Variants in UGT1A1 observed in about 807,000 individuals in gnomAD.
The protein encoded by UGT1A1 is UDP glucuronosyltransferase family 1 member A1, also known as UDP-glucuronosyltransferase 1A1.
UGT1A1 carries 33 observed loss-of-function variants against 40.6 expected under a neutral mutation model. The ratio of observed to expected loss-of-function variants is 0.81; its 90% CI spans 0.62 to 1.09. The LOEUF is 1.09. Among genes scored for constraint, UGT1A1 ranks in the 50% least tolerant of loss-of-function variants. UGT1A1 has a pLI of 0.00. For synonymous variants in UGT1A1, 249 were observed against 265.0 expected (o/e 0.94, Z 0.59); for missense variants, 694 against 671.2 (o/e 1.03, Z -0.38).
chr2:233,772,721 A>G lies in UGT1A1; in HGVS notation c.*162A>G, dbSNP rs1307369412. On this transcript the variant is annotated 3_prime_UTR_variant, in exon 5 of 5. Coordinates refer to ENST00000305208, the MANE Select transcript of UGT1A1 (RefSeq NM_000463.3). ...TAAAAAATTCTCTTAAATAAAAATA[A>G]TAGACTCGCTAGTCAGTAAAGATAT... 4.1e-6 allele frequency: 6 copies of G among 1,458,094 alleles called. No individual in the cohort carries two copies. Among genetic ancestry groups the G allele is most frequent in the Non-Finnish European group, 5.4e-6 (6 of 1,108,844 alleles). The allele number at this position is 1,458,094 out of a possible 1,614,324, so 90.3% of individuals were successfully genotyped here.
rs144217005 is a variant in UGT1A1 at position 233,760,613 on chromosome 2, T to C, written c.326T>C (p.Val109Ala). The C allele has an allele frequency of 1.5e-4, 247 of 1,614,256 alleles. No individual in the cohort carries two copies. In the African/African-American group the frequency reaches 3.0e-3, roughly 20 times the overall value. Residue 109 changes from valine to alanine, a missense_variant, in exon 1 of 5, where the codon GTG becomes GCG. Transcript: ENST00000305208. ...VFENDSFLQR[V>A]IKTYKKIKKD... The stretch of plus-strand genomic sequence containing the variant: ...GAGAATGATTCTTTCCTGCAGCGTG[T>C]GATCAAAACATACAAGAAAATAAAA...
chr2:233,772,380 C>T lies in UGT1A1; in HGVS notation c.1423C>T (p.Arg475Cys), dbSNP rs566674185. ...GAGGCACAAGGGCGCGCCACACCTGCGCCCCGCAGCCCACGACCTCACCTG... is the reference window on the plus strand; with the variant it reads ...GAGGCACAAGGGCGCGCCACACCTGTGCCCCGCAGCCCACGACCTCACCTG... ...VMRHKGAPHL[R>C]PAAHDLTWYQ... The change falls in exon 5 of 5, where the codon CGC becomes TGC. Residue 475 changes from arginine to cysteine, a missense_variant. Coordinates refer to ENST00000305208, the MANE Select transcript of UGT1A1 (RefSeq NM_000463.3). 5.6e-6 allele frequency: 9 copies of T among 1,614,144 alleles called. No homozygotes were observed. The highest frequency in any genetic ancestry group is 4.0e-5 in the African/African-American group (3 of 74,944).
intron 1 of UGT1A1, among the ~76,000 whole-genome samples, chr2:233,766,114 G>A (rs1214540183): frequency 6.6e-6 from 1 of 152,178 alleles, no homozygotes; most frequent in Non-Finnish European, 1.5e-5. Flanking sequence ...CTGGGGGCTT[G>A]CCTTGGTGTA....
intron 1 of UGT1A1, among the ~76,000 whole-genome samples, 196 bp from the exon 2 acceptor site, chr2:233,766,838 C>CCCTTCCTCCTTTAGAAG (rs1182719018): frequency 3.9e-5 from 6 of 152,156 alleles, no homozygotes; most frequent in African/African-American, 1.2e-4. Context: ...TAAGCAGGAA[C>CCCTTCCTCCTTTAGAAG]CCTTCCTCCT....
In UGT1A1 at chr2:233,769,819, C is replaced by T. The variant is rs35283790; in HGVS notation, c.1304+1380C>T. Reference sequence around the variant, plus strand: ...GCTATGAGCCGTGATCATGCCACTGCACTCCAGCAACCTGGGCAACAGAGT... The same window carrying T: ...GCTATGAGCCGTGATCATGCCACTGTACTCCAGCAACCTGGGCAACAGAGT... On this transcript the variant is annotated intron_variant, in intron 4 of 4. Transcript: ENST00000305208. This position sits in a 1 kb window ranked among gnomAD's most constrained non-coding sequence, Gnocchi z 4.4. The T allele has an allele frequency of 0.018, 15,000 of 840,188 alleles. 224 individuals carry two copies. Among genetic ancestry groups the T allele is most frequent in the Admixed American group, 0.067 (1,978 of 29,358 alleles). The allele number at this position is 840,188 out of a possible 1,614,324, so 52.0% of individuals were successfully genotyped here.
rs879204025 is a variant in UGT1A1, at chr2:233,769,857, CA to C, written c.1304+1435del. 0.15 allele frequency: 32,681 copies of C among 223,256 alleles called. 81 individuals are homozygous for C. Among genetic ancestry groups the C allele is most frequent in the Middle Eastern group, 0.2 (155 of 784 alleles). The allele number at this position is 223,256 out of a possible 1,614,324, so 13.8% of individuals were successfully genotyped here. ...TGGGCAACAGAGTGAGACCCTGTCT[CA>C]AAAAAAAAAAAAAAAATGAAAAGTC... On this transcript the variant is annotated intron_variant, in intron 4 of 4. Transcript: ENST00000305208. This position sits in a 1 kb window ranked among gnomAD's most constrained non-coding sequence, Gnocchi z 4.4.
Position 233,767,954 on chromosome 2 carries a change from G to A in UGT1A1, c.1084+18G>A, listed in dbSNP as rs770382182. On this transcript the variant is annotated intron_variant, in intron 3 of 4. Transcript: ENST00000305208. ...TCTGCTTGGTATGTTGGGCGGATTG[G>A]ATGTATAGGTCAAACCAGGGTCAAA... 1.9e-5 allele frequency: 30 copies of A among 1,614,036 alleles called. No homozygotes were observed. The highest frequency in any genetic ancestry group is 2.5e-6 in the Non-Finnish European group (3 of 1,180,050).
Position 233,760,380 on chromosome 2 carries a change from G to A in UGT1A1, c.93G>A (p.Leu31=). 6.2e-7 allele frequency: 1 copy of A among 1,614,192 alleles called. No individual in the cohort carries two copies. The highest frequency in any genetic ancestry group is 8.5e-7 in the Non-Finnish European group (1 of 1,180,008). ...TGGTGTCCCATGCTGGGAAGATACTGTTGATCCCAGTGGATGGCAGCCACT... is the reference window on the plus strand; with the variant it reads ...TGGTGTCCCATGCTGGGAAGATACTATTGATCCCAGTGGATGGCAGCCACT... ...GPVVSHAGKI[L]LIPVDGSHWL... is the part of the protein sequence containing the mutation. Residue 31 remains leucine (L), a synonymous_variant, in exon 1 of 5, where the codon CTG becomes CTA. Coordinates refer to ENST00000305208, the MANE Select transcript of UGT1A1 (RefSeq NM_000463.3).
chr2:233,772,846 T>C lies in UGT1A1; in HGVS notation c.*287T>C, dbSNP rs1314535454. ...AGGCTGGCATTCTAGATTACTTTTCTTACTCTGAAACATGGCCTGTTTGGG... is the reference window on the plus strand; with the variant it reads ...AGGCTGGCATTCTAGATTACTTTTCCTACTCTGAAACATGGCCTGTTTGGG... On this transcript the variant is annotated 3_prime_UTR_variant, in exon 5 of 5. Transcript: ENST00000305208. 2 of 808,282 alleles carry C rather than the reference T, an allele frequency of 2.5e-6. No individual in the cohort carries two copies. Among genetic ancestry groups the C allele is most frequent in the Non-Finnish European group, 3.5e-6 (2 of 570,582 alleles). 50.1% of individuals were successfully genotyped at this position (808,282 alleles called of 1,614,324 possible). A position where few individuals can be genotyped will look rare whatever the true frequency, so the allele number is the denominator to read the frequency against.
intron 1 of UGT1A1, among the ~76,000 whole-genome samples, chr2:233,766,606 C>T (rs961105676): frequency 6.6e-6 from 1 of 152,198 alleles, no homozygotes; most frequent in Non-Finnish European, 1.5e-5. Context: ...GGACCACACC[C>T]TCTTCTACCC....
At chr2:233,770,801 A>C (rs1025526475) in intron 4 of UGT1A1, 2 of 152,250 alleles carry the variant, frequency 1.3e-5, no homozygotes, top group African/African-American at 4.8e-5. Flanking sequence ...ATATGTTTAA[A>C]GACAGTGTAT....
At position 233,760,529 on chromosome 2, in the gene UGT1A1, T is replaced by C. The variant is rs1169787218; in HGVS notation, c.242T>C (p.Val81Ala). 1 of 1,614,248 alleles carries C rather than the reference T, an allele frequency of 6.2e-7. No individual in the cohort carries two copies. The highest frequency in any genetic ancestry group is 1.6e-4 in the Middle Eastern group (1 of 6,062). The change falls in exon 1 of 5, where the codon GTG (valine) becomes GCG (alanine). Residue 81 changes from valine (V) to alanine (A), a missense_variant. Physicochemically the swap from Val to Ala is moderately conservative, Grantham distance 64 (BLOSUM62 0). Transcript: ENST00000305208. ...TTTTACACCTTGAAGACGTACCCTG[T>C]GCCATTCCAAAGGGAGGATGTGAAA... Reference protein sequence around the residue: ...GAFYTLKTYPVPFQREDVKES... With the variant: ...GAFYTLKTYPAPFQREDVKES...
At position 233,760,758 on chromosome 2, in the gene UGT1A1, C is replaced by T. The variant is rs765894633; in HGVS notation, c.471C>T (p.Ser157=). The stretch of plus-strand genomic sequence containing the variant: ...TGACGGACCCTTTCCTTCCTTGCAG[C>T]CCCATCGTGGCCCAGTACCTGTCTC... ...VMLTDPFLPC[S]PIVAQYLSLP... Residue 157 remains serine, a synonymous_variant, in exon 1 of 5, where the codon AGC becomes AGT. Transcript: ENST00000305208. 28 of 1,613,982 alleles carry T rather than the reference C, an allele frequency of 1.7e-5. No homozygotes were observed. In the Admixed American group the frequency reaches 3.0e-4, roughly 17 times the overall value.
chr2:233,765,740 C>T (rs951696953), intron 1 of UGT1A1, among the ~76,000 whole-genome samples: 1 of 147,868 alleles, frequency 6.8e-6, no homozygotes, highest in African/African-American at 2.5e-5. Context: ...TAAATAAACC[C>T]ATAAAGCCAT....
rs1699515943 is a variant in UGT1A1 at position 233,767,916 on chromosome 2, T to A, written c.1064T>A (p.Leu355Gln). The A allele has an allele frequency of 6.2e-7, 1 of 1,614,242 alleles. No homozygotes were observed. Among genetic ancestry groups the A allele is most frequent in the Non-Finnish European group, 8.5e-7 (1 of 1,180,052 alleles). The stretch of plus-strand genomic sequence containing the variant: ...AACAACACGATACTTGTTAAGTGGC[T>A]ACCCCAAAACGATCTGCTTGGTATG... ...LANNTILVKW[L>Q]PQNDLLGHPM... The change falls in exon 3 of 5, where the codon CTA becomes CAA. Residue 355 changes from leucine (L) to glutamine (Q), a missense_variant. By Grantham distance (113) the Leu-to-Gln change is moderately radical. Coordinates refer to ENST00000305208, the MANE Select transcript of UGT1A1 (RefSeq NM_000463.3).
chr2:233,762,122 C>T (rs1697975314), intron 1 of UGT1A1, among the ~76,000 whole-genome samples: 1 of 152,090 alleles, frequency 6.6e-6, no homozygotes, highest in South Asian at 2.1e-4. Flanking sequence ...CATCATGAGC[C>T]ATGTGGGGAC....
rs1022651903 is a variant in UGT1A1, at chr2:233,768,540, A to G, written c.1304+101A>G. ...CGTAGCATTTAATAGCGTTGTTTCA[A>G]ATATAAAAACAAATACATAAAAATC... On this transcript the variant is annotated intron_variant, in intron 4 of 4. Transcript: ENST00000305208. The G allele has an allele frequency of 7.3e-6, 11 of 1,497,966 alleles. No individual in the cohort carries two copies. The African/African-American group carries it at 1.4e-4, about 19-fold the overall frequency. The allele number at this position is 1,497,966 out of a possible 1,614,324, so 92.8% of individuals were successfully genotyped here.
rs1697459307 is a variant in UGT1A1, at chr2:233,760,471, C to T, written c.184C>T (p.Pro62Ser). The T allele has an allele frequency of 7.4e-6, 12 of 1,614,210 alleles. No individual in the cohort carries two copies. The highest frequency in any genetic ancestry group is 1.0e-5 in the Non-Finnish European group (12 of 1,180,040). ...GGGACATGAAATAGTTGTCCTAGCA[C>T]CTGACGCCTCGTTGTACATCAGAGA... ...QRGHEIVVLA[P>S]DASLYIRDGA... The change falls in exon 1 of 5, where the codon CCT becomes TCT. Residue 62 changes from proline to serine, a missense_variant. Coordinates refer to ENST00000305208, the MANE Select transcript of UGT1A1 (RefSeq NM_000463.3).
chr2:233,766,145 C>G (rs1400021152), intron 1 of UGT1A1, among the ~76,000 whole-genome samples: 2 of 152,164 alleles, frequency 1.3e-5, no homozygotes, highest in Non-Finnish European at 2.9e-5. Flanking sequence ...CGAATCCCAC[C>G]TGGGCTTGGA....
Sources: allele counts gnomAD v4.1 joint callset (sites outside exome capture counted in the v4.1 genomes callset), GRCh38; gene constraint gnomAD v4.1.1; non-coding constraint Gnocchi (gnomAD v3.1); transcripts MANE v1.5; gene names NCBI Gene and HGNC (gene_info 2026-07-23, HGNC 2026-07-21).